RHBDF1: variants seen among roughly 807,000 people sequenced by gnomAD.
RHBDF1 encodes rhomboid 5 homolog 1, also known as inactive rhomboid protein 1.
RHBDF1 carries 80 observed loss-of-function variants against 98.6 expected under a neutral mutation model. The observed-to-expected ratio is 0.81, with a 90% CI of 0.68 to 0.98. The LOEUF (loss-of-function observed/expected upper bound fraction) is 0.98, where lower values mean the gene tolerates loss of function less well. Among genes scored for constraint, RHBDF1 ranks in the 50% least tolerant of loss-of-function variants. The pLI, the probability that RHBDF1 is intolerant of heterozygous loss-of-function variation, is 0.00. For missense variants in RHBDF1, 1,116 were observed against 1,198.3 expected, an observed-to-expected ratio of 0.93 and a Z score of 1.01; for synonymous variants, 512 against 486.8, an observed-to-expected ratio of 1.05 and a Z score of -0.68.
chr16:68,782 G>A (rs1177307677), intron 1 of RHBDF1, among the ~76,000 whole-genome samples: 3 of 152,246 alleles, frequency 2.0e-5, no homozygotes, highest in African/African-American at 7.2e-5. Context: ...GAAGGGCTGA[G>A]TGGGGGATGG....
chr16:58,679 C>G lies in RHBDF1; in HGVS notation c.2229G>C (p.Arg743=). The G allele has an allele frequency of 6.2e-7, 1 of 1,613,152 alleles. No individual in the cohort carries two copies. The highest frequency in any genetic ancestry group is 8.5e-7 in the Non-Finnish European group (1 of 1,179,986). The change falls in exon 18 of 18, where the codon CGG becomes CGC. Residue 743 remains arginine, a synonymous_variant. Transcript: ENST00000262316. Reference sequence around the variant, plus strand: ...GCAGCTTGAAGAAGGCACGCCAGGGCCGCGCCAGGATCTGCCAGCTCTGGA... The same window carrying G: ...GCAGCTTGAAGAAGGCACGCCAGGGGCGCGCCAGGATCTGCCAGCTCTGGA... ...ELFQSWQILA[R]PWRAFFKLLA... is the part of the protein sequence containing the mutation.
At chr16:64,121 G>C (rs1227495019) in intron 3 of RHBDF1, 2 of 654,762 alleles carry the variant, frequency 3.1e-6, no homozygotes, top group East Asian at 3.9e-5. Flanking sequence ...CAACCCGAGA[G>C]AGCTTGGCCC....
Position 61,845 on chromosome 16 carries a change from G to A in RHBDF1, c.1161C>T (p.Arg387=), listed in dbSNP as rs1193016488. Residue 387 remains arginine, a synonymous_variant, in exon 8 of 18, where the codon CGC becomes CGT. Transcript: ENST00000262316. The part of the protein sequence containing the change: ...GRLTNRTYRK[R]IDSFVKRQIE... ...TCTGGCGCTTGACGAAGCTGTCGAT[G>A]CGCTTGCGGTAGGTGCGGTTGGTGA... 1 of 1,612,242 alleles carries A rather than the reference G, an allele frequency of 6.2e-7. No individual in the cohort carries two copies. Among genetic ancestry groups the A allele is most frequent in the South Asian group, 1.1e-5 (1 of 91,048 alleles).
chr16:71,489 G>A (rs982826972), intron 1 of RHBDF1, among the ~76,000 whole-genome samples: 3 of 152,180 alleles, frequency 2.0e-5, no homozygotes, highest in Non-Finnish European at 2.9e-5. Context: ...GAGGAGAACC[G>A]AGCCTGGGAC....
chr16:71,209 G>C (rs1168646094), intron 1 of RHBDF1, among the ~76,000 whole-genome samples: 2 of 152,198 alleles, frequency 1.3e-5, no homozygotes, highest in East Asian at 3.9e-4. Context: ...GGGCCTGCTT[G>C]TGCAACGGAG....
In RHBDF1 at chr16:59,407, C is replaced by T; in HGVS notation, c.1893+12G>A. 6.2e-7 allele frequency: 1 copy of T among 1,613,606 alleles called. No individual in the cohort carries two copies. The highest frequency in any genetic ancestry group is 8.5e-7 in the Non-Finnish European group (1 of 1,179,772). On this transcript the variant is annotated intron_variant, in intron 15 of 17. Transcript: ENST00000262316. ...CTGGGGGAGGGGAACGACGGACACT[C>T]TGCAGACCTACCTGAGAGCAGAGCG...
In RHBDF1 at chr16:63,017, ACT is replaced by A. The variant is rs768652599; in HGVS notation, c.626_627del (p.Glu209ValfsTer20). 3 of 1,611,814 alleles carry A rather than the reference ACT, an allele frequency of 1.9e-6. No individual in the cohort carries two copies. The highest frequency in any genetic ancestry group is 2.2e-5 in the South Asian group (2 of 90,992). On this transcript the variant is annotated frameshift_variant, in exon 5 of 18. Transcript: ENST00000262316. LOFTEE classifies it high-confidence loss of function. Reference sequence around the variant, plus strand: ...GCCCGGAAGCTCATCTTGGCCACCGACTCTCGCTTGCGCCGCCGCGGGAGCCG... The same window carrying A: ...GCCCGGAAGCTCATCTTGGCCACCGACTCGCTTGCGCCGCCGCGGGAGCCG... ...FHRLPRRRKR[E>X]SVAKMSFRAA...
At chr16:75,469 G>A (rs1006608197), upstream of RHBDF1, among the ~76,000 whole-genome samples, 1 of 152,238 alleles carries the variant, frequency 6.6e-6, no homozygotes, top group Non-Finnish European at 1.5e-5. Flanking sequence ...CGCCCGGGGA[G>A]CAGGGCTCCA....
chr16:67,340 C>G (rs188105213), intron 1 of RHBDF1, among the ~76,000 whole-genome samples: 14 of 152,338 alleles, frequency 9.2e-5, no homozygotes, highest in African/African-American at 1.4e-4. Flanking sequence ...AGCGTAGAGA[C>G]TGGGGCCACT....
chr16:71,632 C>T (rs1461356097), intron 1 of RHBDF1, among the ~76,000 whole-genome samples: 1 of 152,230 alleles, frequency 6.6e-6, no homozygotes, highest in East Asian at 1.9e-4. Flanking sequence ...ACCTAGGCCC[C>T]ACCCACCGGG....
At chr16:70,635 C>T (rs924158707) in intron 1 of RHBDF1, among the ~76,000 whole-genome samples, 2 of 152,210 alleles carry the variant, frequency 1.3e-5, no homozygotes, top group East Asian at 1.9e-4. Flanking sequence ...TCCTCTGTAT[C>T]CATCTTACAG....
upstream of RHBDF1, chr16:73,898 A>T (rs2562152): frequency 0.82 from 804,224 of 979,486 alleles, 340,076 homozygotes; most frequent in Non-Finnish European, 0.86. Context: ...AATTTGAACT[A>T]AAGGTGCTGG....
Position 62,665 on chromosome 16 carries a change from A to G in RHBDF1, c.826T>C (p.Tyr276His). The G allele has an allele frequency of 6.2e-7, 1 of 1,614,102 alleles. No homozygotes were observed. Among genetic ancestry groups the G allele is most frequent in the Non-Finnish European group, 8.5e-7 (1 of 1,180,024 alleles). The change falls in exon 7 of 18, where the codon TAC (tyrosine) becomes CAC (histidine). Residue 276 changes from tyrosine to histidine, a missense_variant. Coordinates refer to ENST00000262316, the MANE Select transcript of RHBDF1 (RefSeq NM_022450.5). ...EGILHEELST[Y>H]PDEVFESPSE... Reference sequence around the variant, plus strand: ...GGGGACTCGAAAACTTCATCCGGGTATGTGGACAGCTCTTCATGGAGGATA... The same window carrying G: ...GGGGACTCGAAAACTTCATCCGGGTGTGTGGACAGCTCTTCATGGAGGATA...
chr16:61,290 G>T lies in RHBDF1; in HGVS notation c.1396-9C>A. On this transcript the variant is annotated splice_polypyrimidine_tract_variant and intron_variant, in intron 10 of 17. Transcript: ENST00000262316. ...AGGTGGATGAGGGCCTCCTGCGGGC[G>T]AGGGAGACGAGCGGCCGCAGTCCGG... is the stretch of plus-strand genomic sequence containing the variant. 6.5e-7 allele frequency: 1 copy of T among 1,542,694 alleles called. No homozygotes were observed. Among genetic ancestry groups the T allele is most frequent in the Non-Finnish European group, 8.7e-7 (1 of 1,143,502 alleles).
intron 14 of RHBDF1, 43 bp downstream of exon 14, chr16:59,689 C>A: frequency 6.2e-7 from 1 of 1,607,810 alleles, no homozygotes; most frequent in Non-Finnish European, 8.5e-7. Flanking sequence ...GGGCGATGCT[C>A]TGAGCCCAGA....
chr16:72,400 G>T, intron 1 of RHBDF1, 113 bp downstream of exon 1: 1 of 463,134 alleles, frequency 2.2e-6, no homozygotes, highest in South Asian at 8.5e-5. Context: ...ACACGGCCCC[G>T]GCCGCTCTGA....
Position 62,875 on chromosome 16 carries a change from G to T in RHBDF1, c.695C>A (p.Thr232Asn). The change falls in exon 6 of 18, where the codon ACC becomes AAC. Residue 232 changes from threonine (T) to asparagine (N), a missense_variant. Physicochemically the swap from Thr to Asn is moderately conservative, Grantham distance 65 (BLOSUM62 0). Transcript: ENST00000262316. Reference sequence around the variant, plus strand: ...GCTTCGACGCTGTGCCCGGCGAAAGGTGCCATCCCTAACGGAGCGGCCCTG... The same window carrying T: ...GCTTCGACGCTGTGCCCGGCGAAAGTTGCCATCCCTAACGGAGCGGCCCTG... Reference protein sequence around the residue: ...LMKGRSVRDGTFRRAQRRSFT... With the variant: ...LMKGRSVRDGNFRRAQRRSFT... The T allele has an allele frequency of 6.2e-7, 1 of 1,613,908 alleles. No homozygotes were observed. The highest frequency in any genetic ancestry group is 8.5e-7 in the Non-Finnish European group (1 of 1,179,974).
At position 61,021 on chromosome 16, in the gene RHBDF1, C is replaced by T. The variant is rs1328569961; in HGVS notation, c.1557+99G>A. 37 of 1,342,280 alleles carry T rather than the reference C, an allele frequency of 2.8e-5. 1 individual carries two copies. In the Admixed American group the frequency reaches 9.0e-4, roughly 33 times the overall value. 83.1% of individuals were successfully genotyped at this position (1,342,280 alleles called of 1,614,324 possible). A position where few individuals can be genotyped will look rare whatever the true frequency, so the allele number is the denominator to read the frequency against. On this transcript the variant is annotated intron_variant, in intron 11 of 17. Transcript: ENST00000262316. ...TGCGCGTAAGGACGGCGGGATGTGC[C>T]AGGAACGAGGGCGAAGGATCACTCT...
At chr16:60,386 C>T (rs951897557) in intron 12 of RHBDF1, 53 bp downstream of exon 12, 2 of 1,597,294 alleles carry the variant, frequency 1.3e-6, no homozygotes, top group Non-Finnish European at 8.6e-7. Context: ...GCACCACAGC[C>T]CCCGGGGAAG....
Sources: allele counts gnomAD v4.1 joint callset (sites outside exome capture counted in the v4.1 genomes callset), GRCh38; gene constraint gnomAD v4.1.1; transcripts MANE v1.5; gene names NCBI Gene and HGNC (gene_info 2026-07-23, HGNC 2026-07-21).